PCDHGB3: variants seen among roughly 807,000 people sequenced by gnomAD.
PCDHGB3 encodes protocadherin gamma subfamily B, 3, also known as protocadherin gamma-B3.
A neutral mutation model predicts 59.2 loss-of-function variants in PCDHGB3; 40 were observed. The ratio of observed to expected loss-of-function variants is 0.68; its 90% CI spans 0.52 to 0.88. PCDHGB3 has a LOEUF of 0.88. Among genes scored for constraint, PCDHGB3 ranks in the 40% least tolerant of loss-of-function variants. The pLI is 0.00. For synonymous variants in PCDHGB3, 581 were observed against 503.6 expected (o/e 1.15, Z -2.06); for missense variants, 1,309 against 1,187.9 (o/e 1.10, Z -1.50).
intron 1 of PCDHGB3, chr5:141,405,253 C>T (rs78501291): frequency 0.034 from 55,338 of 1,614,052 alleles, 1,052 homozygotes; most frequent in Middle Eastern, 0.098. Flanking sequence ...GGAAGAGTCA[C>T]CTGATCTTCC....
At chr5:141,383,468 A>C in intron 1 of PCDHGB3, 1 of 1,613,774 alleles carries the variant, frequency 6.2e-7, no homozygotes, top group Non-Finnish European at 8.5e-7. Context: ...GATGAAACTA[A>C]GTACCCGGAA....
At chr5:141,499,189 C>T (rs1406015145) in intron 2 of PCDHGB3, among the ~76,000 whole-genome samples, 3 of 152,088 alleles carry the variant, frequency 2.0e-5, no homozygotes, top group African/African-American at 7.2e-5. Flanking sequence ...AAACCATTTC[C>T]CCCTTCTTAG....
intron 1 of PCDHGB3, among the ~76,000 whole-genome samples, chr5:141,445,441 C>T (rs1201825256): frequency 6.6e-6 from 1 of 152,152 alleles, no homozygotes; most frequent in Admixed American, 6.6e-5. Context: ...GACCTATGGA[C>T]TAAGGATGCA....
Position 141,371,701 on chromosome 5 carries a change from A to C in PCDHGB3, c.1307A>C (p.Lys436Thr). The C allele has an allele frequency of 6.2e-7, 1 of 1,614,064 alleles. No individual in the cohort carries two copies. The highest frequency in any genetic ancestry group is 8.5e-7 in the Non-Finnish European group (1 of 1,179,900). The change falls in exon 1 of 4, where the codon AAG becomes ACG. Residue 436 changes from lysine to threonine, a missense_variant. Physicochemically the swap from Lys to Thr is moderately conservative, Grantham distance 78 (BLOSUM62 -1). Coordinates refer to ENST00000576222, the MANE Select transcript of PCDHGB3 (RefSeq NM_018924.5). ...DKGNPPLSSS[K>T]TITLHILDVN... ...GGCAATCCACCGCTCTCCTCCAGCA[A>C]GACCATCACTCTGCACATCCTTGAT...
intron 1 of PCDHGB3, among the ~76,000 whole-genome samples, chr5:141,480,875 T>C (rs1285607270): frequency 6.6e-6 from 1 of 152,062 alleles, no homozygotes; most frequent in African/African-American, 2.4e-5. Context: ...TGAAACCCCG[T>C]CTCTACTAAA....
rs2092149511 is a variant in PCDHGB3 at position 141,390,449 on chromosome 5, G to A, written c.2415+17640G>A. The A allele has an allele frequency of 4.8e-6, 4 of 829,790 alleles. No individual in the cohort carries two copies. In the Admixed American group the frequency reaches 8.7e-5, roughly 18 times the overall value. 51.4% of individuals were successfully genotyped at this position (829,790 alleles called of 1,614,324 possible). ...TGTCATATCATTCTACAAAGGAGGAGTAAAGTAGGAGCAATTGTGTGGCCC... is the reference window on the plus strand; with the variant it reads ...TGTCATATCATTCTACAAAGGAGGAATAAAGTAGGAGCAATTGTGTGGCCC... On this transcript the variant is annotated intron_variant, in intron 1 of 3. Coordinates refer to ENST00000576222, the MANE Select transcript of PCDHGB3 (RefSeq NM_018924.5).
chr5:141,417,618 G>A (rs370911891), intron 1 of PCDHGB3: 3 of 654,230 alleles, frequency 4.6e-6, no homozygotes, highest in Non-Finnish European at 7.4e-6. Context: ...CCAGTGCAGA[G>A]CAAGCGCTGA....
rs992592523 is a variant in PCDHGB3 at position 141,432,710 on chromosome 5, C to T, written c.2415+59901C>T. ...CGTAGTGGCCGTCCAGGACCACGGC[C>T]AGCCCCCTCTCTCCGCCACTGTCAC... On this transcript the variant is annotated intron_variant, in intron 1 of 3. Coordinates refer to ENST00000576222, the MANE Select transcript of PCDHGB3 (RefSeq NM_018924.5). This position sits in a 1 kb window ranked among gnomAD's most constrained non-coding sequence, Gnocchi z 6.0. The T allele has an allele frequency of 6.2e-7, 1 of 1,613,884 alleles. No homozygotes were observed.
At chr5:141,383,939 T>C (rs1272507661) in intron 1 of PCDHGB3, 1 of 1,613,738 alleles carries the variant, frequency 6.2e-7, no homozygotes, top group African/African-American at 1.3e-5. Context: ...GCTCCAGAAG[T>C]GACTATGACG....
chr5:141,427,855 G>T (rs2097079766), intron 1 of PCDHGB3: 1 of 1,553,826 alleles, frequency 6.4e-7, no homozygotes, highest in Non-Finnish European at 8.8e-7. Flanking sequence ...GAGCAGCTGT[G>T]CGCCTTCGAG....
At chr5:141,374,840 G>A (rs766575793) in intron 1 of PCDHGB3, 4 of 1,613,792 alleles carry the variant, frequency 2.5e-6, no homozygotes, top group Non-Finnish European at 3.4e-6. Context: ...AAGTGTTCCT[G>A]AAAACCTGCC....
At chr5:141,471,963 T>C (rs2024084) in intron 1 of PCDHGB3, among the ~76,000 whole-genome samples, 27,680 of 152,068 alleles carry the variant, frequency 0.18, 3,629 homozygotes, top group African/African-American at 0.37. Context: ...GTGGGGTTGG[T>C]TGCATTACTG....
intron 1 of PCDHGB3, among the ~76,000 whole-genome samples, chr5:141,462,023 A>T (rs927945421): frequency 1.3e-5 from 2 of 152,112 alleles, no homozygotes; most frequent in African/African-American, 4.8e-5. Flanking sequence ...GGGTTTCTTC[A>T]TGTTGGTCAG....
At chr5:141,478,269 A>G in intron 1 of PCDHGB3, 1 of 1,614,146 alleles carries the variant, frequency 6.2e-7, no homozygotes, top group Non-Finnish European at 8.5e-7. Flanking sequence ...TTCAAAGTTT[A>G]CAAGTGGAAG....
chr5:141,435,882 C>G (rs780080571), intron 1 of PCDHGB3, among the ~76,000 whole-genome samples: 1 of 152,060 alleles, frequency 6.6e-6, no homozygotes, highest in African/African-American at 2.4e-5. Context: ...AGATTGGAAA[C>G]CCCTTAGAGA....
intron 1 of PCDHGB3, chr5:141,399,347 A>G: frequency 6.2e-7 from 1 of 1,613,926 alleles, no homozygotes. Flanking sequence ...GGAACCCTAG[A>G]CCGAGAGCAA....
At chr5:141,417,626 T>G in intron 1 of PCDHGB3, 2 of 689,576 alleles carry the variant, frequency 2.9e-6, no homozygotes, top group East Asian at 2.9e-5. Flanking sequence ...GAGCAAGCGC[T>G]GACGCCGGGG....
At chr5:141,419,187 C>G (rs1179461161) in intron 1 of PCDHGB3, 4 of 1,614,024 alleles carry the variant, frequency 2.5e-6, no homozygotes, top group Non-Finnish European at 2.5e-6. Context: ...CTGCACATTA[C>G]TGACGTCAAT....
In PCDHGB3 at chr5:141,493,468, T is replaced by C. The variant is rs960204561; in HGVS notation, c.2416-1339T>C. On this transcript the variant is annotated intron_variant, in intron 1 of 3. Transcript: ENST00000576222. The surrounding 1 kb of genome is among the most constrained non-coding windows in gnomAD (Gnocchi z 4.3). ...TGGGGTTCCTTCCCTTTTAGGACCT[T>C]ACATGTGGGGAAAGTCTTCTGTGGC... Among the ~76,000 whole-genome samples the C allele has an allele frequency of 4.6e-5, 7 of 152,144 alleles. No individual in the cohort carries two copies. Among genetic ancestry groups the C allele is most frequent in the African/African-American group, 1.4e-4 (6 of 41,426 alleles).
Sources: gnomAD v4.1 joint callset for allele counts (sites outside exome capture counted in the v4.1 genomes callset) on GRCh38, gnomAD v4.1.1 for gene constraint, Gnocchi (gnomAD v3.1) non-coding constraint, MANE v1.5 for transcripts, NCBI Gene and HGNC (gene_info 2026-07-23, HGNC 2026-07-21) for gene names.